RASGRP3: variants seen among roughly 807,000 people sequenced by gnomAD.
The protein encoded by RASGRP3 is RAS guanyl releasing protein 3, also known as ras guanyl-releasing protein 3.
A neutral mutation model predicts 82.7 loss-of-function variants in RASGRP3; 54 were observed. The ratio of observed to expected loss-of-function variants is 0.65; its 90% CI spans 0.52 to 0.82. RASGRP3 has a LOEUF of 0.82. Ranked by LOEUF, RASGRP3 falls within the 40% of genes least tolerant of loss-of-function variation. The pLI, the probability that RASGRP3 is intolerant of heterozygous loss-of-function variation, is 0.00. For missense variants in RASGRP3, 861 were observed against 828.9 expected, an observed-to-expected ratio of 1.04 and a Z score of -0.48; for synonymous variants, 309 against 300.5, an observed-to-expected ratio of 1.03 and a Z score of -0.29.
chr2:33,475,191 TA>T, upstream of RASGRP3, among the ~76,000 whole-genome samples: 1 of 152,252 alleles, frequency 6.6e-6, no homozygotes, highest in Non-Finnish European at 1.5e-5. Flanking sequence ...TTTCTATTAC[TA>T]ACTTGAAATG....
intron 2 of RASGRP3, among the ~76,000 whole-genome samples, chr2:33,463,943 A>G (rs906053401): frequency 2.6e-5 from 4 of 151,736 alleles, no homozygotes; most frequent in Admixed American, 1.3e-4. Flanking sequence ...TCATTTTACC[A>G]TGCTGTGCTC....
At chr2:33,469,364 G>A (rs1666916598) in intron 2 of RASGRP3, among the ~76,000 whole-genome samples, 1 of 151,846 alleles carries the variant, frequency 6.6e-6, no homozygotes, top group Non-Finnish European at 1.5e-5. Context: ...TGTTGTGACT[G>A]TGATTGAAAC....
intron 1 of RASGRP3, among the ~76,000 whole-genome samples, chr2:33,505,854 C>T (rs1670320255): frequency 6.6e-6 from 1 of 152,102 alleles, no homozygotes; most frequent in Non-Finnish European, 1.5e-5. Context: ...CATTTCCCTG[C>T]TATGTTCGGC....
intron 1 of RASGRP3, among the ~76,000 whole-genome samples, chr2:33,509,146 A>G (rs773038445): frequency 1.4e-4 from 21 of 152,176 alleles, no homozygotes; most frequent in Non-Finnish European, 2.5e-4. Context: ...CATGCGTGTA[A>G]TCCCAGCACT....
At chr2:33,494,949 T>G (rs1669178977) in intron 1 of RASGRP3, among the ~76,000 whole-genome samples, 1 of 152,212 alleles carries the variant, frequency 6.6e-6, no homozygotes, top group Admixed American at 6.5e-5. Flanking sequence ...ATCTCCAAAT[T>G]TACTTTCTTG....
At chr2:33,534,968 G>A (rs1673463152) in intron 11 of RASGRP3, among the ~76,000 whole-genome samples, 1 of 152,032 alleles carries the variant, frequency 6.6e-6, no homozygotes, top group African/African-American at 2.4e-5. Context: ...TCTTCTATTT[G>A]TTGTGTTCCT....
intron 17 of RASGRP3, among the ~76,000 whole-genome samples, chr2:33,561,877 A>G (rs574104706): frequency 2.6e-5 from 4 of 152,342 alleles, no homozygotes; most frequent in African/African-American, 9.6e-5. Context: ...GAACAGTTCA[A>G]GATTACTCTC....
chr2:33,514,122 T>A (rs1671200385), intron 2 of RASGRP3: 1 of 152,182 alleles, frequency 6.6e-6, no homozygotes, highest in South Asian at 2.1e-4. Flanking sequence ...CAATAATATA[T>A]GCAAAGCATT....
intron 2 of RASGRP3, among the ~76,000 whole-genome samples, chr2:33,465,193 TA>T (rs1666622189): frequency 6.6e-6 from 1 of 152,200 alleles, no homozygotes; most frequent in African/African-American, 2.4e-5. Flanking sequence ...AAAACAGCCT[TA>T]TTGCTGATAT....
chr2:33,523,195 C>T (rs548623130), intron 7 of RASGRP3, among the ~76,000 whole-genome samples: 32 of 152,086 alleles, frequency 2.1e-4, no homozygotes, highest in Admixed American at 8.5e-4. Flanking sequence ...GATTCTTGGC[C>T]GGGCGCGCCT....
chr2:33,512,587 A>G (rs189045096), intron 2 of RASGRP3, among the ~76,000 whole-genome samples: 1 of 152,298 alleles, frequency 6.6e-6, no homozygotes, highest in East Asian at 1.9e-4. Context: ...ACTGGCAGAA[A>G]TTTTTGTCCC....
At chr2:33,501,080 C>T (rs1669828666) in intron 1 of RASGRP3, among the ~76,000 whole-genome samples, 1 of 152,230 alleles carries the variant, frequency 6.6e-6, no homozygotes, top group Admixed American at 6.5e-5. Flanking sequence ...ATTCCCATTC[C>T]TGCCTTCCCT....
intron 2 of RASGRP3, among the ~76,000 whole-genome samples, chr2:33,470,439 G>A (rs11682041): frequency 0.6 from 89,332 of 149,734 alleles, 27,333 homozygotes; most frequent in African/African-American, 0.65. Flanking sequence ...GAGTGCAGTG[G>A]CGCGATCTCA....
chr2:33,489,531 T>C (rs146985531), intron 1 of RASGRP3, among the ~76,000 whole-genome samples: 8 of 152,170 alleles, frequency 5.3e-5, no homozygotes, highest in Admixed American at 4.6e-4. Context: ...TTCAAAGCAA[T>C]GAGGGACACA....
chr2:33,496,152 T>C (rs1420073055), intron 1 of RASGRP3, among the ~76,000 whole-genome samples: 3 of 152,226 alleles, frequency 2.0e-5, no homozygotes, highest in East Asian at 1.9e-4. Flanking sequence ...GTAGAACTTA[T>C]TAGCTTGCAC....
intron 2 of RASGRP3, among the ~76,000 whole-genome samples, chr2:33,460,583 C>T (rs1167922461): frequency 6.6e-6 from 1 of 150,698 alleles, no homozygotes; most frequent in East Asian, 2.0e-4. Flanking sequence ...GGCGCGATCT[C>T]GGCTCACTGC....
rs768744751 is a variant in RASGRP3, at chr2:33,558,972, G to C, written c.2006G>C (p.Arg669Pro). 1 of 1,613,886 alleles carries C rather than the reference G, an allele frequency of 6.2e-7. No homozygotes were observed. Among genetic ancestry groups the C allele is most frequent in the South Asian group, 1.1e-5 (1 of 91,044 alleles). The change falls in exon 17 of 18, where the codon CGG (arginine) becomes CCG (proline). Residue 669 changes from arginine (R) to proline (P), a missense_variant. Arg to Pro is a moderately radical substitution (Grantham distance 103). Coordinates refer to ENST00000403687, the MANE Select transcript of RASGRP3 (RefSeq NM_001139488.2). ...CATGCTGGTGTGGATGTTGTAGACC[G>C]GGGCACGGAGTTTGAACTTGACCAG... is the stretch of plus-strand genomic sequence containing the variant. ...RVHAGVDVVD[R>P]GTEFELDQDE...
intron 7 of RASGRP3, among the ~76,000 whole-genome samples, chr2:33,523,509 T>G (rs1558482273): frequency 6.6e-6 from 1 of 151,432 alleles, no homozygotes; most frequent in Non-Finnish European, 1.5e-5. Context: ...CTGAAGATAG[T>G]GATCATTTAC....
chr2:33,482,253 A>C (rs916372708), intron 1 of RASGRP3: 2 of 152,256 alleles, frequency 1.3e-5, no homozygotes, highest in African/African-American at 4.8e-5. Flanking sequence ...TGACCTCGTG[A>C]TCTGCCCGCC....
Sources: gnomAD v4.1 joint callset for allele counts (sites outside exome capture counted in the v4.1 genomes callset) on GRCh38, gnomAD v4.1.1 for gene constraint, MANE v1.5 for transcripts, NCBI Gene and HGNC (gene_info 2026-07-23, HGNC 2026-07-21) for gene names.